The following PEX7 variants were observed in gnomAD, a reference collection of about 807,000 sequenced individuals.
PEX7 encodes the protein peroxisomal biogenesis factor 7, also known as PTS2 receptor.
PEX7 carries 34 observed loss-of-function variants against 47.5 expected under a neutral mutation model. The observed-to-expected ratio is 0.72, with a 90% CI of 0.54 to 0.95. The LOEUF (loss-of-function observed/expected upper bound fraction) is 0.95. Among genes scored for constraint, PEX7 ranks in the 40% least tolerant of loss-of-function variants. The pLI is 0.00. For missense variants in PEX7, 394 were observed against 400.3 expected, an observed-to-expected ratio of 0.98 and a Z score of 0.13; for synonymous variants, 141 against 148.8, an observed-to-expected ratio of 0.95 and a Z score of 0.38.
intron 8 of PEX7, among the ~76,000 whole-genome samples, chr6:136,897,680 A>G (rs1476185827): frequency 6.6e-6 from 1 of 152,214 alleles, no homozygotes; most frequent in Non-Finnish European, 1.5e-5. Flanking sequence ...AATTTAAATT[A>G]AGCCTAAGAT....
At chr6:136,885,249 A>G (rs978817302) in intron 8 of PEX7, among the ~76,000 whole-genome samples, 2 of 152,224 alleles carry the variant, frequency 1.3e-5, no homozygotes, top group African/African-American at 4.8e-5. Flanking sequence ...TGATAAAGCT[A>G]AAATGACCAG....
chr6:136,866,963 G>T (rs889844528), intron 6 of PEX7, among the ~76,000 whole-genome samples: 1 of 152,168 alleles, frequency 6.6e-6, no homozygotes, highest in African/African-American at 2.4e-5. Flanking sequence ...AAGTTCAACA[G>T]TGCAGGCTTA....
intron 8 of PEX7, among the ~76,000 whole-genome samples, chr6:136,877,617 T>C (rs1257764781): frequency 1.3e-5 from 2 of 152,188 alleles, no homozygotes; most frequent in Non-Finnish European, 2.9e-5. Flanking sequence ...AAAGAGCAGA[T>C]GGTTGTAGAT....
At chr6:136,843,972 CA>C (rs1289635481) in intron 3 of PEX7, among the ~76,000 whole-genome samples, 1 of 152,010 alleles carries the variant, frequency 6.6e-6, no homozygotes, top group Non-Finnish European at 1.5e-5. Context: ...AAAATTAATG[CA>C]AAAAACCCAT....
intron 9 of PEX7, among the ~76,000 whole-genome samples, chr6:136,907,547 A>C (rs1775865444): frequency 6.6e-6 from 1 of 151,974 alleles, no homozygotes; most frequent in Non-Finnish European, 1.5e-5. Context: ...TTTGCTAAAG[A>C]GGCCATGTGT....
intron 8 of PEX7, among the ~76,000 whole-genome samples, chr6:136,887,495 T>C (rs1370196020): frequency 6.6e-6 from 1 of 152,206 alleles, no homozygotes; most frequent in Non-Finnish European, 1.5e-5. Flanking sequence ...TGTAAATATG[T>C]TCTTATATTT....
At chr6:136,829,098 T>C (rs202209390) in intron 3 of PEX7, among the ~76,000 whole-genome samples, 1 of 152,248 alleles carries the variant, frequency 6.6e-6, no homozygotes, top group East Asian at 1.9e-4. Flanking sequence ...CAGAGTTTAC[T>C]GTTTCACATA....
intron 9 of PEX7, among the ~76,000 whole-genome samples, chr6:136,908,840 T>C (rs1775886564): frequency 6.6e-6 from 1 of 152,182 alleles, no homozygotes; most frequent in African/African-American, 2.4e-5. Flanking sequence ...TCCCACTGCC[T>C]AGAACATTTT....
intron 9 of PEX7, among the ~76,000 whole-genome samples, chr6:136,902,629 C>G (rs535552190): frequency 1.3e-5 from 2 of 151,338 alleles, no homozygotes; most frequent in Non-Finnish European, 2.9e-5. Flanking sequence ...TTTATCTTTT[C>G]TTTCTTATCC....
intron 5 of PEX7, among the ~76,000 whole-genome samples, chr6:136,864,544 A>G (rs1014564991): frequency 6.6e-6 from 1 of 152,184 alleles, no homozygotes; most frequent in East Asian, 1.9e-4. Flanking sequence ...TAACCTCTGC[A>G]TTTCATTACT....
At position 136,822,640 on chromosome 6, in the gene PEX7, A is replaced by C. The variant is rs944561475; in HGVS notation, c.-26A>C. ...TCGGAACGGCTTCCGCGGCCGGGGC[A>C]GCGAGGGCCGGGGGCGGCGGGCGGG... On this transcript the variant is annotated 5_prime_UTR_variant, in exon 1 of 10. Coordinates refer to ENST00000318471, the MANE Select transcript of PEX7 (RefSeq NM_000288.4). The C allele has an allele frequency of 3.2e-5, 49 of 1,520,852 alleles. No individual in the cohort carries two copies. Among genetic ancestry groups the C allele is most frequent in the Non-Finnish European group, 3.9e-5 (44 of 1,137,680 alleles). The allele number at this position is 1,520,852 out of a possible 1,614,324, so 94.2% of individuals were successfully genotyped here.
In PEX7 at chr6:136,900,437, C is replaced by T. The variant is rs980811674; in HGVS notation, c.903+2196C>T. 6.9e-6 allele frequency: 3 copies of T among 431,860 alleles called. No individual in the cohort carries two copies. Among genetic ancestry groups the T allele is most frequent in the Non-Finnish European group, 1.4e-5 (3 of 216,550 alleles). 26.8% of individuals were successfully genotyped at this position (431,860 alleles called of 1,614,324 possible). A position where few individuals can be genotyped will look rare whatever the true frequency, so the allele number is the denominator to read the frequency against. Reference sequence around the variant, plus strand: ...GCCTTTTCCAGCTTGGCAGTGTGAGCCACAGACTTGGGACCAAGGACATTG... The same window carrying T: ...GCCTTTTCCAGCTTGGCAGTGTGAGTCACAGACTTGGGACCAAGGACATTG... On this transcript the variant is annotated intron_variant, in intron 9 of 9. Transcript: ENST00000318471. The surrounding 1 kb of genome is among the most constrained non-coding windows in gnomAD (Gnocchi z 4.2).
intron 6 of PEX7, among the ~76,000 whole-genome samples, chr6:136,868,990 G>A (rs1298565934): frequency 6.6e-6 from 1 of 152,178 alleles, no homozygotes; most frequent in Non-Finnish European, 1.5e-5. Flanking sequence ...AGAGAACATG[G>A]AAAAATTTAA....
At chr6:136,853,912 G>T (rs1292966580) in intron 5 of PEX7, among the ~76,000 whole-genome samples, 1 of 152,086 alleles carries the variant, frequency 6.6e-6, no homozygotes, top group Non-Finnish European at 1.5e-5. Flanking sequence ...ATTATTTTTT[G>T]AATTTTTAAG....
Position 136,913,727 on chromosome 6 carries a change from TA to T in PEX7, c.*205del. The T allele has an allele frequency of 3.5e-6, 2 of 576,952 alleles. No individual in the cohort carries two copies. Among genetic ancestry groups the T allele is most frequent in the South Asian group, 4.2e-5 (2 of 47,776 alleles). 35.7% of individuals were successfully genotyped at this position (576,952 alleles called of 1,614,324 possible). A position where few individuals can be genotyped will look rare whatever the true frequency, so the allele number is the denominator to read the frequency against. ...TTAAGCCTGATACATAAGCCATATT[TA>T]AAATTCTAAGAAATAATTAATGTTA... On this transcript the variant is annotated 3_prime_UTR_variant, in exon 10 of 10. Coordinates refer to ENST00000318471, the MANE Select transcript of PEX7 (RefSeq NM_000288.4).
intron 8 of PEX7, among the ~76,000 whole-genome samples, chr6:136,894,935 T>C (rs543358147): frequency 6.6e-6 from 1 of 152,332 alleles, no homozygotes; most frequent in African/African-American, 2.4e-5. Context: ...TATATGATAG[T>C]ATGACTTCTT....
intron 8 of PEX7, among the ~76,000 whole-genome samples, 198 bp from the exon 9 acceptor site, chr6:136,897,944 T>TA (rs1221269697): frequency 3.9e-5 from 6 of 151,980 alleles, no homozygotes; most frequent in African/African-American, 7.2e-5. Context: ...GGTTTTTTTT[T>TA]TATATATATA....
intron 3 of PEX7, among the ~76,000 whole-genome samples, chr6:136,845,153 A>G (rs1774572360): frequency 6.6e-6 from 1 of 152,244 alleles, no homozygotes; most frequent in African/African-American, 2.4e-5. Context: ...CTGTTTACCA[A>G]GAGATCTGGA....
intron 9 of PEX7, among the ~76,000 whole-genome samples, chr6:136,902,620 T>C (rs887178430): frequency 6.6e-6 from 1 of 152,158 alleles, no homozygotes; most frequent in African/African-American, 2.4e-5. Context: ...TTCTGACATT[T>C]TATCTTTTCT....
Sources: allele counts gnomAD v4.1 joint callset (sites outside exome capture counted in the v4.1 genomes callset), GRCh38; gene constraint gnomAD v4.1.1; non-coding constraint Gnocchi (gnomAD v3.1); transcripts MANE v1.5; gene names NCBI Gene and HGNC (gene_info 2026-07-23, HGNC 2026-07-21).